DNM3: variants seen among roughly 807,000 people sequenced by gnomAD.
DNM3 encodes dynamin 3.
In DNM3, 47 loss-of-function variants were observed where a neutral mutation model predicts 101.6. That is an observed-to-expected ratio of 0.46 (90% confidence interval 0.37 to 0.59). The LOEUF (loss-of-function observed/expected upper bound fraction) is 0.59. Ranked by LOEUF, DNM3 falls within the 20% of genes least tolerant of loss-of-function variation. DNM3 has a pLI of 0.00. For missense variants in DNM3, 849 were observed against 1,085.7 expected, an observed-to-expected ratio of 0.78 and a Z score of 3.06; for synonymous variants, 385 against 387.9, an observed-to-expected ratio of 0.99 and a Z score of 0.09.
At chr1:172,203,824 T>A (rs1456432249) in intron 14 of DNM3, among the ~76,000 whole-genome samples, 1 of 152,194 alleles carries the variant, frequency 6.6e-6, no homozygotes, top group Non-Finnish European at 1.5e-5. Flanking sequence ...ATGTATAAAT[T>A]CTGATGTAAG....
chr1:172,381,603 A>G (rs1481151267), intron 18 of DNM3, among the ~76,000 whole-genome samples: 1 of 152,034 alleles, frequency 6.6e-6, no homozygotes, highest in Non-Finnish European at 1.5e-5. Flanking sequence ...CAGAATGCCC[A>G]AGCCTATTTT....
chr1:172,263,378 A>G (rs2062739214), intron 15 of DNM3, among the ~76,000 whole-genome samples: 1 of 152,226 alleles, frequency 6.6e-6, no homozygotes, highest in Non-Finnish European at 1.5e-5. Context: ...ATGAAATTCC[A>G]ATTTATTCTG....
chr1:172,389,919 TG>T (rs1353533480), intron 20 of DNM3, among the ~76,000 whole-genome samples: 2 of 152,198 alleles, frequency 1.3e-5, no homozygotes, highest in African/African-American at 4.8e-5. Flanking sequence ...TCAGAAGACC[TG>T]GGTTACTGAA....
At chr1:171,956,851 T>A (rs1210273550) in intron 2 of DNM3, among the ~76,000 whole-genome samples, 1 of 152,132 alleles carries the variant, frequency 6.6e-6, no homozygotes, top group Non-Finnish European at 1.5e-5. Context: ...GCAGACTCAA[T>A]ACCACATGGA....
intron 2 of DNM3, among the ~76,000 whole-genome samples, chr1:171,943,803 C>T (rs2041973180): frequency 6.6e-6 from 1 of 152,188 alleles, no homozygotes; most frequent in South Asian, 2.1e-4. Context: ...TCATATTTAG[C>T]TCAGAATAAA....
intron 15 of DNM3, among the ~76,000 whole-genome samples, chr1:172,285,627 T>C (rs979856052): frequency 2.6e-5 from 4 of 152,192 alleles, no homozygotes; most frequent in Non-Finnish European, 4.4e-5. Context: ...TATAAAACTT[T>C]TCAAAATCAG....
At chr1:172,347,302 CA>C (rs1156497471) in intron 17 of DNM3, among the ~76,000 whole-genome samples, 3 of 151,660 alleles carry the variant, frequency 2.0e-5, no homozygotes, top group Non-Finnish European at 2.9e-5. Flanking sequence ...TTACAAAGAA[CA>C]AAGGAAGGAA....
chr1:172,153,986 T>C (rs2058241746), intron 14 of DNM3, among the ~76,000 whole-genome samples: 1 of 152,080 alleles, frequency 6.6e-6, no homozygotes. Flanking sequence ...ATAACATATA[T>C]AGACCTTATC....
chr1:172,173,077 A>G (rs2059021582), intron 14 of DNM3, among the ~76,000 whole-genome samples: 1 of 151,842 alleles, frequency 6.6e-6, no homozygotes, highest in South Asian at 2.1e-4. Flanking sequence ...TAGAGAGATT[A>G]TTCTGGTAGA....
intron 4 of DNM3, among the ~76,000 whole-genome samples, chr1:172,001,037 A>G (rs914606157): frequency 1.3e-5 from 2 of 152,034 alleles, no homozygotes; most frequent in African/African-American, 4.8e-5. Flanking sequence ...TGAGTGAGAA[A>G]TGTCCTTGAT....
At chr1:171,970,166 A>T (rs1218682262) in intron 2 of DNM3, 1 of 597,950 alleles carries the variant, frequency 1.7e-6, no homozygotes, top group East Asian at 1.4e-4. Context: ...AATACTTTGA[A>T]GCACGAAAAA....
At chr1:172,285,461 G>C (rs1282646029) in intron 15 of DNM3, among the ~76,000 whole-genome samples, 1 of 152,092 alleles carries the variant, frequency 6.6e-6, no homozygotes, top group Admixed American at 6.5e-5. Context: ...GATTTCCCTG[G>C]GTGGGGCCAG....
chr1:171,891,317 A>G (rs888837295), intron 1 of DNM3, among the ~76,000 whole-genome samples: 5 of 150,930 alleles, frequency 3.3e-5, no homozygotes, highest in African/African-American at 9.8e-5. Context: ...AGAGTTTTAG[A>G]TTAATAGAAA....
At chr1:172,233,520 A>G (rs1176238056) in intron 14 of DNM3, among the ~76,000 whole-genome samples, 9 of 151,220 alleles carry the variant, frequency 6.0e-5, no homozygotes, top group South Asian at 2.1e-4. Context: ...AAAAGAGGGA[A>G]TCCTCCCTAA....
intron 14 of DNM3, among the ~76,000 whole-genome samples, chr1:172,168,708 T>G (rs1226036946): frequency 6.6e-6 from 1 of 151,912 alleles, no homozygotes; most frequent in Admixed American, 6.6e-5. Context: ...GAAGCCCAAA[T>G]GCAGACATTA....
chr1:172,380,072 A>G (rs1217563205), intron 18 of DNM3, among the ~76,000 whole-genome samples: 1 of 152,008 alleles, frequency 6.6e-6, no homozygotes, highest in Non-Finnish European at 1.5e-5. Context: ...ATGGCAAAGT[A>G]CTAAAAAGAG....
At chr1:172,294,525 T>G (rs2064065291) in intron 15 of DNM3, among the ~76,000 whole-genome samples, 1 of 152,160 alleles carries the variant, frequency 6.6e-6, no homozygotes, top group Non-Finnish European at 1.5e-5. Context: ...CTTTAATATC[T>G]CTGAATTTCA....
chr1:172,190,227 T>C (rs1035127710), intron 14 of DNM3, among the ~76,000 whole-genome samples: 1 of 152,078 alleles, frequency 6.6e-6, no homozygotes, highest in African/African-American at 2.4e-5. Context: ...GTGTTCTCAT[T>C]GTTCAATTCC....
intron 10 of DNM3, among the ~76,000 whole-genome samples, chr1:172,057,370 G>A (rs1044321609): frequency 7.9e-5 from 12 of 152,210 alleles, no homozygotes; most frequent in African/African-American, 2.6e-4. Flanking sequence ...CTCGAGAAGA[G>A]CAACTCCAAG....
Sources: gnomAD v4.1 joint callset for allele counts (sites outside exome capture counted in the v4.1 genomes callset) on GRCh38, gnomAD v4.1.1 for gene constraint, MANE v1.5 for transcripts, NCBI Gene and HGNC (gene_info 2026-07-23, HGNC 2026-07-21) for gene names.